The following MBD2 variants were observed in gnomAD, a reference collection of about 807,000 sequenced individuals.
The protein encoded by MBD2 is methyl-CpG binding domain protein 2, also known as methyl-CpG-binding domain protein 2.
A neutral mutation model predicts 39.3 loss-of-function variants in MBD2; 9 were observed. The ratio of observed to expected loss-of-function variants is 0.23; its 90% confidence interval spans 0.14 to 0.40. The LOEUF is 0.40. Among genes scored for constraint, MBD2 ranks in the 10% least tolerant of loss-of-function variants. MBD2 has a pLI of 1.00. For synonymous variants in MBD2, 233 were observed against 211.1 expected, an observed-to-expected ratio of 1.10 and a Z score of -0.90; for missense variants, 458 against 532.6, an observed-to-expected ratio of 0.86 and a Z score of 1.38.
chr18:54,200,876 G>C (rs973716220), intron 2 of MBD2, among the ~76,000 whole-genome samples: 6 of 152,088 alleles, frequency 3.9e-5, no homozygotes, highest in Admixed American at 3.3e-4. Flanking sequence ...TCAGGAGATC[G>C]AGACCATCCT....
chr18:54,192,886 A>G (rs1239334926), intron 2 of MBD2, among the ~76,000 whole-genome samples: 1 of 152,252 alleles, frequency 6.6e-6, no homozygotes, highest in Non-Finnish European at 1.5e-5. Flanking sequence ...TCCATTGTCT[A>G]ATGAGACAGT....
chr18:54,177,266 G>A (rs1440055736), intron 3 of MBD2, among the ~76,000 whole-genome samples: 2 of 152,134 alleles, frequency 1.3e-5, no homozygotes, highest in African/African-American at 2.4e-5. Context: ...CAGATTCAAA[G>A]TTTTATGAAG....
chr18:54,177,963 C>T (rs1040502495), intron 3 of MBD2, among the ~76,000 whole-genome samples: 8 of 151,464 alleles, frequency 5.3e-5, no homozygotes, highest in Admixed American at 2.0e-4. Context: ...CCTCAGCCAC[C>T]CGAGTAACTG....
At chr18:54,166,422 T>C (rs1286445746) in intron 3 of MBD2, among the ~76,000 whole-genome samples, 1 of 152,230 alleles carries the variant, frequency 6.6e-6, no homozygotes, top group Non-Finnish European at 1.5e-5. Context: ...GGTTATATGC[T>C]GTATACTATG....
chr18:54,169,501 C>T (rs748275212), intron 3 of MBD2, among the ~76,000 whole-genome samples: 2 of 152,132 alleles, frequency 1.3e-5, no homozygotes, highest in South Asian at 2.1e-4. Context: ...TTTTCTTTGG[C>T]GATTCTGTTC....
intron 1 of MBD2, among the ~76,000 whole-genome samples, chr18:54,205,400 C>T (rs546778750): frequency 1.3e-5 from 2 of 151,616 alleles, no homozygotes; most frequent in African/African-American, 4.8e-5. Flanking sequence ...GGTGAAACCC[C>T]GTCTCTGCTA....
At chr18:54,214,732 TTTTAGAA>T (rs2086541692) in intron 1 of MBD2, among the ~76,000 whole-genome samples, 1 of 56,780 alleles carries the variant, frequency 1.8e-5, no homozygotes, top group East Asian at 8.8e-4. Context: ...GGTAGAATTC[TTTTAGAA>T]TTCTTTTTTT....
intron 3 of MBD2, among the ~76,000 whole-genome samples, chr18:54,181,177 T>C (rs1183822419): frequency 2.0e-5 from 3 of 151,424 alleles, no homozygotes; most frequent in Non-Finnish European, 4.4e-5. Flanking sequence ...TTACAGATGT[T>C]GAGCCACTGC....
intron 1 of MBD2, among the ~76,000 whole-genome samples, chr18:54,213,977 T>C (rs1029840222): frequency 6.6e-6 from 1 of 151,392 alleles, no homozygotes; most frequent in Non-Finnish European, 1.5e-5. Flanking sequence ...ATGTCAAAAT[T>C]AGCAGTGGTT....
chr18:54,159,712 G>A (rs1181988685), intron 6 of MBD2, 53 bp downstream of exon 6: 33 of 1,580,766 alleles, frequency 2.1e-5, no homozygotes, highest in South Asian at 1.1e-4. Context: ...CACTATGTCC[G>A]GCCAAGAAAA....
At chr18:54,217,074 A>G (rs1240155111) in intron 1 of MBD2, among the ~76,000 whole-genome samples, 2 of 152,192 alleles carry the variant, frequency 1.3e-5, no homozygotes, top group Non-Finnish European at 2.9e-5. Flanking sequence ...GGGCAACAAG[A>G]GCGAAACTCC....
At chr18:54,220,956 A>G (rs776365679) in intron 1 of MBD2, among the ~76,000 whole-genome samples, 4 of 152,232 alleles carry the variant, frequency 2.6e-5, no homozygotes, top group Non-Finnish European at 4.4e-5. Context: ...GACAGTTAAT[A>G]AACAGCAGAC....
chr18:54,160,053 C>T (rs1478244347), intron 5 of MBD2, 150 bp from the exon 6 acceptor site: 3 of 824,798 alleles, frequency 3.6e-6, no homozygotes, highest in Non-Finnish European at 5.5e-6. Flanking sequence ...TGCTTCTACA[C>T]ACAAATCAAA....
In MBD2 at chr18:54,188,215, G is replaced by T. The variant is rs115559516; in HGVS notation, c.840+659C>A. ...CACAATTAGGGAGTGAATAAGTAAG[G>T]TTACGTGGAAGGTTTCAGCATTTTG... On this transcript the variant is annotated intron_variant, in intron 3 of 6. Transcript: ENST00000256429. Among the ~76,000 whole-genome samples, 562 of 152,276 alleles carry T rather than the reference G, an allele frequency of 3.7e-3. 5 individuals are homozygous for T. The highest frequency in any genetic ancestry group is 0.013 in the African/African-American group (530 of 41,558).
intron 3 of MBD2, among the ~76,000 whole-genome samples, chr18:54,179,491 T>C (rs2086234416): frequency 6.6e-6 from 1 of 152,196 alleles, no homozygotes. Flanking sequence ...TAAACAGTGA[T>C]AACAATGATA....
chr18:54,187,237 TA>T (rs1239846005), intron 3 of MBD2, among the ~76,000 whole-genome samples: 6 of 152,202 alleles, frequency 3.9e-5, no homozygotes, highest in Admixed American at 3.9e-4. Context: ...TAAAATCTAT[TA>T]AATACTATCT....
At chr18:54,200,797 A>G (rs1322351955) in intron 2 of MBD2, among the ~76,000 whole-genome samples, 1 of 152,158 alleles carries the variant, frequency 6.6e-6, no homozygotes, top group Non-Finnish European at 1.5e-5. Flanking sequence ...CTAAAAATTG[A>G]GGCCGAGCGC....
At chr18:54,204,195 G>T (rs965509830) in intron 2 of MBD2, among the ~76,000 whole-genome samples, 4 of 152,200 alleles carry the variant, frequency 2.6e-5, no homozygotes, top group African/African-American at 9.7e-5. Context: ...CACTGTCAGT[G>T]TGAAGACAAT....
chr18:54,217,338 T>C (rs1387365645), intron 1 of MBD2, among the ~76,000 whole-genome samples: 2 of 152,258 alleles, frequency 1.3e-5, no homozygotes, highest in Non-Finnish European at 2.9e-5. Flanking sequence ...AACTTCATTA[T>C]ATTCCATATT....
Sources: gnomAD v4.1 joint callset for allele counts (sites outside exome capture counted in the v4.1 genomes callset) on GRCh38, gnomAD v4.1.1 for gene constraint, MANE v1.5 for transcripts, NCBI Gene and HGNC (gene_info 2026-07-23, HGNC 2026-07-21) for gene names.